The following FRK variants were observed in gnomAD, a reference collection of about 807,000 sequenced individuals.
FRK encodes the protein fyn related Src family tyrosine kinase, also known as tyrosine-protein kinase FRK.
In FRK, 51 loss-of-function variants were observed where a neutral mutation model predicts 56.4. That is an observed-to-expected ratio of 0.90 (90% CI 0.72 to 1.14). FRK has a LOEUF of 1.14. FRK is among the 50% of genes most tolerant of loss of function. FRK has a pLI of 0.00. For missense variants in FRK, 570 were observed against 601.4 expected, an observed-to-expected ratio of 0.95 and a Z score of 0.55; for synonymous variants, 245 against 217.9, an observed-to-expected ratio of 1.12 and a Z score of -1.10.
At chr6:116,015,342 G>C (rs1775609955) in intron 1 of FRK, among the ~76,000 whole-genome samples, 1 of 152,166 alleles carries the variant, frequency 6.6e-6, no homozygotes, top group Non-Finnish European at 1.5e-5. Context: ...CTTCCACCAT[G>C]ATTGTAAGTT....
At chr6:115,998,300 AACAG>A (rs1480186561) in intron 2 of FRK, among the ~76,000 whole-genome samples, 5 of 152,342 alleles carry the variant, frequency 3.3e-5, no homozygotes, top group African/African-American at 1.2e-4. Context: ...GGTAACATCT[AACAG>A]ACAGATTACA....
chr6:115,988,991 C>A (rs539254355), intron 2 of FRK, among the ~76,000 whole-genome samples: 1 of 151,790 alleles, frequency 6.6e-6, no homozygotes, highest in Non-Finnish European at 1.5e-5. Context: ...AATCCAAAAC[C>A]CGCACCAGGT....
At chr6:116,064,158 G>A (rs1777712302), upstream of FRK, among the ~76,000 whole-genome samples, 1 of 152,202 alleles carries the variant, frequency 6.6e-6, no homozygotes, top group Non-Finnish European at 1.5e-5. Flanking sequence ...CAAATGACCA[G>A]CAGTTCCCTG....
intron 2 of FRK, among the ~76,000 whole-genome samples, chr6:115,992,475 A>G (rs1324155968): frequency 6.6e-6 from 1 of 151,834 alleles, no homozygotes; most frequent in East Asian, 1.9e-4. Context: ...GATTAAATGA[A>G]TGGTTAAAAA....
At chr6:116,009,458 A>AC (rs1775383543) in intron 1 of FRK, among the ~76,000 whole-genome samples, 1 of 152,266 alleles carries the variant, frequency 6.6e-6, no homozygotes, top group Non-Finnish European at 1.5e-5. Flanking sequence ...TAAACCAATT[A>AC]GAAATTTGTA....
At chr6:115,992,053 C>T (rs989563987) in intron 2 of FRK, among the ~76,000 whole-genome samples, 1 of 151,574 alleles carries the variant, frequency 6.6e-6, no homozygotes, top group African/African-American at 2.4e-5. Flanking sequence ...TGAATCTTCT[C>T]TCTCTCTTTT....
At chr6:116,004,248 C>T (rs1037641702) in intron 1 of FRK, among the ~76,000 whole-genome samples, 23 of 152,154 alleles carry the variant, frequency 1.5e-4, no homozygotes, top group African/African-American at 5.6e-4. Flanking sequence ...TCACTTCTCA[C>T]AGCTGTGTTC....
chr6:115,944,421 G>A lies in FRK; in HGVS notation c.963C>T (p.Asp321=). 6.3e-7 allele frequency: 1 copy of A among 1,593,750 alleles called. No individual in the cohort carries two copies. Among genetic ancestry groups the A allele is most frequent in the Non-Finnish European group, 8.5e-7 (1 of 1,174,056 alleles). ...GAGTCAGATGGATTTTTGATCCAGT[G>A]TCATCTAAGTAATAAGAGAAAAGTA... ...HGSLQEYLQN[D]TGSKIHLTQQ... Residue 321 remains aspartate (D), a synonymous_variant, in exon 6 of 8, where the codon GAC becomes GAT. Coordinates refer to ENST00000606080, the MANE Select transcript of FRK (RefSeq NM_002031.3).
At chr6:115,991,044 G>A (rs957926463) in intron 2 of FRK, among the ~76,000 whole-genome samples, 1 of 151,636 alleles carries the variant, frequency 6.6e-6, no homozygotes, top group African/African-American at 2.4e-5. Flanking sequence ...TTGCAAATAA[G>A]ACTGAGTTCT....
chr6:116,071,318 G>A, the FRK span, among the ~76,000 whole-genome samples: 10 of 152,080 alleles, frequency 6.6e-5, no homozygotes, highest in East Asian at 7.7e-4. Flanking sequence ...GAAGGTATTC[G>A]CTACTGGTTG....
intron 1 of FRK, among the ~76,000 whole-genome samples, chr6:116,020,682 C>T (rs1251625990): frequency 1.3e-5 from 2 of 152,170 alleles, no homozygotes; most frequent in Non-Finnish European, 2.9e-5. Flanking sequence ...TCTATAGGCT[C>T]TCTAGATTCA....
intron 1 of FRK, among the ~76,000 whole-genome samples, chr6:116,034,548 A>T (rs1776401347): frequency 2.0e-5 from 3 of 152,160 alleles, no homozygotes; most frequent in Admixed American, 2.0e-4. Flanking sequence ...AGCAAAATTC[A>T]GATTGTGGGA....
chr6:115,952,514 T>C lies in FRK; in HGVS notation c.958+3938A>G, dbSNP rs544262936. Among the ~76,000 whole-genome samples, 147 of 152,072 alleles carry C rather than the reference T, an allele frequency of 9.7e-4. 1 individual carries two copies. Among genetic ancestry groups the C allele is most frequent in the South Asian group, 1.9e-3 (9 of 4,772 alleles). On this transcript the variant is annotated intron_variant, in intron 5 of 7. Coordinates refer to ENST00000606080, the MANE Select transcript of FRK (RefSeq NM_002031.3). ...TCAACCATTGTGGAAGTCAGTGTGG[T>C]GATTCCTCAGGGATCTAGAACTAGA... is the stretch of plus-strand genomic sequence containing the variant.
intron 5 of FRK, among the ~76,000 whole-genome samples, chr6:115,944,790 T>TG (rs143577517): frequency 1.3e-5 from 2 of 152,032 alleles, no homozygotes; most frequent in Non-Finnish European, 2.9e-5. Flanking sequence ...ACTTGTGTCA[T>TG]GGGGGGGTTA....
In FRK at chr6:115,941,337, C is replaced by T. The variant is rs1772171742; in HGVS notation, c.*1077G>A. 1 of 152,000 alleles carries T rather than the reference C, an allele frequency of 6.6e-6. No individual in the cohort carries two copies. The allele number at this position is 152,000 out of a possible 1,614,324, so 9.4% of individuals were successfully genotyped here. On this transcript the variant is annotated 3_prime_UTR_variant, in exon 8 of 8. Transcript: ENST00000606080. ...GGAGGGGAACATCACATACTGGGGCCTGTCAGGGGATGGAGGGCTAGGGGA... is the reference window on the plus strand; with the variant it reads ...GGAGGGGAACATCACATACTGGGGCTTGTCAGGGGATGGAGGGCTAGGGGA...
chr6:116,069,459 G>A, the FRK span, among the ~76,000 whole-genome samples: 2 of 152,056 alleles, frequency 1.3e-5, no homozygotes, highest in Non-Finnish European at 2.9e-5. Flanking sequence ...CAATATTACT[G>A]TGAAAAAAAT....
intron 2 of FRK, among the ~76,000 whole-genome samples, chr6:115,971,183 A>G (rs901414212): frequency 2.0e-5 from 3 of 152,196 alleles, no homozygotes; most frequent in Admixed American, 6.5e-5. Context: ...AAACTGCTAT[A>G]TTATGGTTCA....
At chr6:116,089,769 A>T in the FRK span, among the ~76,000 whole-genome samples, 8 of 152,208 alleles carry the variant, frequency 5.3e-5, no homozygotes, top group African/African-American at 1.4e-4. Flanking sequence ...AGGCCCTATC[A>T]CCAAGTATCA....
At chr6:115,992,590 C>A (rs1023541402) in intron 2 of FRK, among the ~76,000 whole-genome samples, 2 of 151,688 alleles carry the variant, frequency 1.3e-5, no homozygotes, top group South Asian at 2.1e-4. Flanking sequence ...AACAATTCAA[C>A]CTTTATAAGA....
Sources: allele counts gnomAD v4.1 joint callset (sites outside exome capture counted in the v4.1 genomes callset), GRCh38; gene constraint gnomAD v4.1.1; transcripts MANE v1.5; gene names NCBI Gene and HGNC (gene_info 2026-07-23, HGNC 2026-07-21).